Variants in SHB observed in about 807,000 individuals in gnomAD.
The protein encoded by SHB is SH2 domain containing adaptor protein B.
Under a neutral mutation model 52.3 loss-of-function variants are expected in SHB, and 20 were observed. The ratio of observed to expected loss-of-function variants is 0.38; its 90% confidence interval spans 0.27 to 0.56. The LOEUF (loss-of-function observed/expected upper bound fraction) is 0.56. SHB is among the 20% of genes least tolerant of loss of function. The probability of loss-of-function intolerance (pLI) is 0.71; values close to 1 mark genes in which losing one functional copy is unlikely to be tolerated. For missense variants in SHB, 825 were observed against 723.3 expected (o/e 1.14, Z -1.61); for synonymous variants, 397 against 316.5 (o/e 1.25, Z -2.70).
chr9:38,020,752 T>G (rs1187732767), intron 1 of SHB, among the ~76,000 whole-genome samples: 1 of 152,052 alleles, frequency 6.6e-6, no homozygotes, highest in Non-Finnish European at 1.5e-5. Flanking sequence ...CAATAACCTA[T>G]GAAAATAAAA....
chr9:37,930,176 G>A (rs1008186172), intron 5 of SHB, among the ~76,000 whole-genome samples: 15 of 152,204 alleles, frequency 9.9e-5, no homozygotes, highest in African/African-American at 3.6e-4. Flanking sequence ...AGTGTCTACT[G>A]TGTGCACTGC....
intron 2 of SHB, among the ~76,000 whole-genome samples, chr9:38,014,005 C>A (rs1356482563): frequency 6.6e-6 from 1 of 152,206 alleles, no homozygotes; most frequent in South Asian, 2.1e-4. Context: ...CTGGCAGGGG[C>A]TCCTGCCATT....
chr9:37,946,780 G>A (rs1832496242), intron 5 of SHB, among the ~76,000 whole-genome samples: 1 of 152,222 alleles, frequency 6.6e-6, no homozygotes, highest in African/African-American at 2.4e-5. Context: ...ATTCCAGGAG[G>A]AATGAGGTTC....
At chr9:37,981,940 G>T (rs1331261915) in intron 2 of SHB, among the ~76,000 whole-genome samples, 4 of 152,050 alleles carry the variant, frequency 2.6e-5, no homozygotes, top group Non-Finnish European at 5.9e-5. Flanking sequence ...AAAGATCACT[G>T]ATCACAGGTC....
chr9:38,022,334 G>C (rs963444218), intron 1 of SHB, among the ~76,000 whole-genome samples: 1 of 152,172 alleles, frequency 6.6e-6, no homozygotes, highest in African/African-American at 2.4e-5. Context: ...GCACAGATGC[G>C]ACGCGTCGAC....
chr9:37,998,099 C>G (rs535683790), intron 2 of SHB, among the ~76,000 whole-genome samples: 162 of 152,296 alleles, frequency 1.1e-3, no homozygotes, highest in Non-Finnish European at 2.0e-3. Flanking sequence ...CCGCCGTGCC[C>G]AACTGCCTGC....
intron 2 of SHB, among the ~76,000 whole-genome samples, chr9:37,992,549 G>A (rs1029024616): frequency 7.9e-5 from 12 of 152,196 alleles, no homozygotes; most frequent in African/African-American, 2.7e-4. Context: ...CAGTGGAGGG[G>A]CAACAGGGAG....
In SHB at chr9:38,068,681, C is replaced by A. The variant is rs1049403683; in HGVS notation, c.-36G>T. ...CGCCTAGGGCCGCGGCGCGGGAGCC[C>A]GGTCCGCCGCCGCGGCCATTCGGGG... is the stretch of plus-strand genomic sequence containing the variant. On this transcript the variant is annotated 5_prime_UTR_variant, in exon 1 of 6. Transcript: ENST00000377707. 7.7e-5 allele frequency: 98 copies of A among 1,265,618 alleles called. No homozygotes were observed. Among genetic ancestry groups the A allele is most frequent in the Non-Finnish European group, 9.1e-5 (92 of 1,010,206 alleles). The allele number at this position is 1,265,618 out of a possible 1,614,324, so 78.4% of individuals were successfully genotyped here.
At chr9:38,020,575 C>T (rs577842400) in intron 1 of SHB, among the ~76,000 whole-genome samples, 190 of 152,290 alleles carry the variant, frequency 1.2e-3, no homozygotes, top group Middle Eastern at 3.4e-3. Context: ...GAGGACCCGA[C>T]GTGCCATCTC....
chr9:38,066,127 T>C (rs1344610270), intron 1 of SHB, among the ~76,000 whole-genome samples: 1 of 152,148 alleles, frequency 6.6e-6, no homozygotes, highest in Non-Finnish European at 1.5e-5. Flanking sequence ...GTAAGAAATA[T>C]CTGGTGATGA....
intron 1 of SHB, among the ~76,000 whole-genome samples, chr9:38,061,781 C>G (rs528444943): frequency 6.6e-6 from 1 of 152,226 alleles, no homozygotes; most frequent in Admixed American, 6.5e-5. Flanking sequence ...GCCAATGTAC[C>G]GCCAGTCTCT....
At chr9:37,986,738 G>C (rs1000446764) in intron 2 of SHB, among the ~76,000 whole-genome samples, 1 of 152,316 alleles carries the variant, frequency 6.6e-6, no homozygotes, top group Non-Finnish European at 1.5e-5. Flanking sequence ...GGGCTAGCAC[G>C]GGTGGCATCA....
chr9:37,950,663 G>A (rs1356831758), intron 4 of SHB, among the ~76,000 whole-genome samples: 1 of 152,154 alleles, frequency 6.6e-6, no homozygotes, highest in Non-Finnish European at 1.5e-5. Context: ...TGGCTCTGCT[G>A]CCTGCTGGCC....
At chr9:37,997,914 C>T (rs1001109054) in intron 2 of SHB, among the ~76,000 whole-genome samples, 5 of 152,318 alleles carry the variant, frequency 3.3e-5, no homozygotes, top group African/African-American at 1.2e-4. Flanking sequence ...GGAGGAGACC[C>T]TGCTAAGGGG....
chr9:38,061,311 CAAAAAAAA>C (rs776311036), intron 1 of SHB, among the ~76,000 whole-genome samples: 1 of 84,056 alleles, frequency 1.2e-5, no homozygotes, highest in Non-Finnish European at 2.5e-5. Context: ...GATCCTGTCT[CAAAAAAAA>C]AAAAAAAAAG....
intron 2 of SHB, among the ~76,000 whole-genome samples, chr9:37,984,338 C>A (rs1227517743): frequency 1.3e-5 from 2 of 152,208 alleles, no homozygotes; most frequent in Non-Finnish European, 2.9e-5. Flanking sequence ...TCTGGGTCCA[C>A]AACTCCCGAG....
intron 5 of SHB, among the ~76,000 whole-genome samples, chr9:37,930,999 A>C (rs1298336395): frequency 1.3e-5 from 2 of 152,244 alleles, no homozygotes; most frequent in African/African-American, 2.4e-5. Context: ...GAGGGTACCA[A>C]GAAGACACAA....
chr9:37,956,024 G>T lies in SHB; in HGVS notation c.1085C>A (p.Ser362Ter). 1 of 1,577,206 alleles carries T rather than the reference G, an allele frequency of 6.3e-7. No homozygotes were observed. Among genetic ancestry groups the T allele is most frequent in the South Asian group, 1.2e-5 (1 of 86,096 alleles). Residue 362 changes from serine to a stop codon, truncating the protein, a stop_gained, in exon 4 of 6, where the codon TCA becomes TAA. Transcript: ENST00000377707. LOFTEE classifies it high-confidence loss of function. Reference sequence around the variant, plus strand: ...CCGGTCCCGCGAAGGTGAGGGGGATGACTGCCGCTTCTCGTTGCCATTAAA... The same window carrying T: ...CCGGTCCCGCGAAGGTGAGGGGGATTACTGCCGCTTCTCGTTGCCATTAAA... ...AQFNGNEKRQ[S>*]SPSPSRDRRR...
intron 3 of SHB, among the ~76,000 whole-genome samples, chr9:37,956,675 T>C (rs1034530968): frequency 7.9e-5 from 12 of 152,042 alleles, no homozygotes; most frequent in African/African-American, 2.2e-4. Context: ...GGGAGCATCG[T>C]TCACCCCCAC....
Sources: allele counts gnomAD v4.1 joint callset (sites outside exome capture counted in the v4.1 genomes callset), GRCh38; gene constraint gnomAD v4.1.1; transcripts MANE v1.5; gene names NCBI Gene and HGNC (gene_info 2026-07-23, HGNC 2026-07-21).